The following ARPC1A variants were observed in gnomAD, a reference collection of about 807,000 sequenced individuals.
ARPC1A encodes actin related protein 2/3 complex subunit 1A, also known as actin-related protein 2/3 complex subunit 1A.
In ARPC1A, 8 loss-of-function variants were observed where a neutral mutation model predicts 46.9. The observed-to-expected ratio is 0.17, with a 90% CI of 0.10 to 0.31. ARPC1A has a LOEUF of 0.31. Ranked by LOEUF, ARPC1A falls within the 10% of genes least tolerant of loss-of-function variation. The probability of loss-of-function intolerance (pLI) is 1.00; values close to 1 mark genes in which losing one functional copy is unlikely to be tolerated. For synonymous variants in ARPC1A, 152 were observed against 169.0 expected (o/e 0.90, Z 0.78); for missense variants, 286 against 483.6 (o/e 0.59, Z 3.83).
intron 8 of ARPC1A, 67 bp downstream of exon 8, chr7:99,359,805 C>T: frequency 6.4e-7 from 1 of 1,557,230 alleles, no homozygotes. Context: ...TGTTTCCTTA[C>T]TGGGTTCCTA....
chr7:99,334,948 A>G (rs1562796416), intron 2 of ARPC1A, among the ~76,000 whole-genome samples: 1 of 152,206 alleles, frequency 6.6e-6, no homozygotes, highest in Non-Finnish European at 1.5e-5. Flanking sequence ...GGTTCACACC[A>G]TTCTCCTGCC....
intron 1 of ARPC1A, among the ~76,000 whole-genome samples, chr7:99,331,137 G>A (rs1451494269): frequency 1.3e-5 from 2 of 152,190 alleles, no homozygotes; most frequent in Non-Finnish European, 2.9e-5. Context: ...GGCTGGGCAT[G>A]GTGACTCATG....
chr7:99,334,030 CAT>C (rs758964838), intron 2 of ARPC1A, among the ~76,000 whole-genome samples: 3,859 of 125,784 alleles, frequency 0.031, 136 homozygotes, highest in African/African-American at 0.11. Context: ...CACACACACA[CAT>C]ATATATGTAT....
chr7:99,339,894 A>G (rs981326466), intron 3 of ARPC1A: 9 of 439,106 alleles, frequency 2.0e-5, no homozygotes, highest in Admixed American at 1.2e-4. Flanking sequence ...GCCAGGCCTC[A>G]TCAGATTGCC....
At chr7:99,338,371 G>A (rs1423807387) in intron 3 of ARPC1A, 86 bp downstream of exon 3, 3 of 822,840 alleles carry the variant, frequency 3.6e-6, no homozygotes, top group Middle Eastern at 2.5e-4. Flanking sequence ...AAACCCAGGT[G>A]GCCATAATTT....
In ARPC1A at chr7:99,333,386, C is replaced by G. The variant is rs766393624; in HGVS notation, c.33C>G (p.Ile11Met). The G allele has an allele frequency of 6.2e-7, 1 of 1,613,850 alleles. No individual in the cohort carries two copies. Among genetic ancestry groups the G allele is most frequent in the Non-Finnish European group, 8.5e-7 (1 of 1,179,868 alleles). The change falls in exon 2 of 10, where the codon ATC becomes ATG. Residue 11 changes from isoleucine (I) to methionine (M), a missense_variant. By Grantham distance (10) the Ile-to-Met change is conservative. Coordinates refer to ENST00000262942, the MANE Select transcript of ARPC1A (RefSeq NM_006409.4). MSLHQFLLEP[I>M]TCHAWNRDRT... ...TGCATCAGTTTTTACTAGAGCCAAT[C>G]ACCTGTCATGCCTGGAACAGGGATC...
chr7:99,350,567 G>A (rs1375521024), intron 5 of ARPC1A, among the ~76,000 whole-genome samples: 6 of 149,792 alleles, frequency 4.0e-5, no homozygotes, highest in African/African-American at 9.9e-5. Flanking sequence ...TTAGCTGAAA[G>A]GAAAGCAAAG....
intron 9 of ARPC1A, among the ~76,000 whole-genome samples, chr7:99,364,368 G>C (rs904296719): frequency 6.6e-6 from 1 of 151,290 alleles, no homozygotes; most frequent in Non-Finnish European, 1.5e-5. Flanking sequence ...CGCCTCTGGG[G>C]TTCAAGCGAT....
At chr7:99,360,964 C>T (rs1425739680) in intron 8 of ARPC1A, among the ~76,000 whole-genome samples, 1 of 145,268 alleles carries the variant, frequency 6.9e-6, no homozygotes, top group East Asian at 2.0e-4. Context: ...AAAAAAGGCA[C>T]CTGGAGGAGA....
At chr7:99,364,790 G>T (rs1422914823) in intron 9 of ARPC1A, among the ~76,000 whole-genome samples, 2 of 152,152 alleles carry the variant, frequency 1.3e-5, no homozygotes, top group East Asian at 3.8e-4. Context: ...TATCTCCTGG[G>T]TGCCATGCAT....
chr7:99,343,029 G>A (rs1793380788), intron 3 of ARPC1A, among the ~76,000 whole-genome samples: 1 of 151,924 alleles, frequency 6.6e-6, no homozygotes, highest in Non-Finnish European at 1.5e-5. Flanking sequence ...ATGACTTATG[G>A]GTAATTGAGG....
Position 99,348,842 on chromosome 7 carries a change from CCT to C in ARPC1A, c.393-6_393-5del. 6.2e-7 allele frequency: 1 copy of C among 1,608,976 alleles called. No homozygotes were observed. The highest frequency in any genetic ancestry group is 1.3e-5 in the African/African-American group (1 of 74,774). On this transcript the variant is annotated splice_polypyrimidine_tract_variant and splice_region_variant and intron_variant, in intron 4 of 9. Transcript: ENST00000262942. ...AGTGGATAAACTGAAACAGTTTTCC[CCT>C]CTCATAGGTGGGTGAGCAAGCACAT...
chr7:99,353,772 C>A, intron 5 of ARPC1A, 137 bp from the exon 6 acceptor site: 1 of 863,088 alleles, frequency 1.2e-6, no homozygotes. Flanking sequence ...AGCCACCGTG[C>A]CCAGCTCATG....
intron 3 of ARPC1A, among the ~76,000 whole-genome samples, chr7:99,343,277 T>C (rs1008306692): frequency 3.3e-5 from 5 of 151,880 alleles, no homozygotes; most frequent in Middle Eastern, 3.4e-3. Flanking sequence ...ACCAGCCTGG[T>C]CAACATGGTG....
rs1396784144 is a variant in ARPC1A at position 99,325,959 on chromosome 7, C to T, written c.-75C>T. ...CCTGTTCGCGTCGACTGCCCAGAGT[C>T]CGCGAATCCTCCGCTCCGAGCCCGT... On this transcript the variant is annotated 5_prime_UTR_variant, in exon 1 of 10. Transcript: ENST00000262942. 1 of 152,564 alleles carries T rather than the reference C, an allele frequency of 6.6e-6. No individual in the cohort carries two copies. The highest frequency in any genetic ancestry group is 2.4e-5 in the African/African-American group (1 of 41,468). The allele number at this position is 152,564 out of a possible 1,614,324, so 9.5% of individuals were successfully genotyped here. A position where few individuals can be genotyped will look rare whatever the true frequency, so the allele number is the denominator to read the frequency against.
intron 5 of ARPC1A, among the ~76,000 whole-genome samples, chr7:99,349,580 C>T (rs1350027684): frequency 2.0e-5 from 3 of 150,830 alleles, no homozygotes; most frequent in East Asian, 2.0e-4. Context: ...AGCTCACGCC[C>T]GTAATCCCAG....
At chr7:99,358,536 CTTTTTTT>C (rs5886103) in intron 7 of ARPC1A, 121 bp downstream of exon 7, 76 of 319,742 alleles carry the variant, frequency 2.4e-4, no homozygotes, top group Admixed American at 2.8e-4. Flanking sequence ...ACAGAGCTCA[CTTTTTTT>C]TTTTTTTTTT....
intron 9 of ARPC1A, among the ~76,000 whole-genome samples, chr7:99,364,358 C>T (rs1282231346): frequency 4.0e-5 from 6 of 151,338 alleles, no homozygotes; most frequent in African/African-American, 7.3e-5. Flanking sequence ...CCACAACCTC[C>T]GCCTCTGGGG....
At chr7:99,336,870 C>G (rs1452376219) in intron 2 of ARPC1A, among the ~76,000 whole-genome samples, 1 of 151,974 alleles carries the variant, frequency 6.6e-6, no homozygotes, top group Non-Finnish European at 1.5e-5. Flanking sequence ...GCCTGTAATC[C>G]TAGTGCTTTG....
Sources: allele counts gnomAD v4.1 joint callset (sites outside exome capture counted in the v4.1 genomes callset), GRCh38; gene constraint gnomAD v4.1.1; transcripts MANE v1.5; gene names NCBI Gene and HGNC (gene_info 2026-07-23, HGNC 2026-07-21).